CDYL2: variants seen among roughly 807,000 people sequenced by gnomAD.
The protein encoded by CDYL2 is chromodomain Y-like protein 2.
Under a neutral mutation model 49.4 loss-of-function variants are expected in CDYL2, and 23 were observed. The observed-to-expected ratio is 0.47, with a 90% CI of 0.34 to 0.66. The LOEUF is 0.66. Ranked by LOEUF, CDYL2 falls within the 30% of genes least tolerant of loss-of-function variation. The pLI, the probability that CDYL2 is intolerant of heterozygous loss-of-function variation, is 0.01. For missense variants in CDYL2, 678 were observed against 656.4 expected (o/e 1.03, Z -0.36); for synonymous variants, 360 against 268.8 (o/e 1.34, Z -3.32).
At chr16:80,742,503 T>C (rs994582378) in intron 1 of CDYL2, among the ~76,000 whole-genome samples, 9 of 148,808 alleles carry the variant, frequency 6.0e-5, no homozygotes, top group African/African-American at 2.0e-4. Context: ...GATGAATAGA[T>C]GGATACACTA....
intron 1 of CDYL2, among the ~76,000 whole-genome samples, chr16:80,781,201 G>T (rs1351789813): frequency 1.3e-5 from 2 of 152,158 alleles, no homozygotes; most frequent in African/African-American, 4.8e-5. Flanking sequence ...GCTAGAAAAG[G>T]CCCTACATCC....
chr16:80,762,663 T>G (rs1316468734), intron 1 of CDYL2, among the ~76,000 whole-genome samples: 1 of 152,202 alleles, frequency 6.6e-6, no homozygotes. Context: ...AACCCCAAAA[T>G]TATCCTTTTG....
chr16:80,763,268 G>GTCTACTCAACA (rs1906594457), intron 1 of CDYL2, among the ~76,000 whole-genome samples: 4 of 1,004 alleles, frequency 4.0e-3, no homozygotes, highest in African/African-American at 0.014. Context: ...AATCAACTGT[G>GTCTACTCAACA]GCTACTCAAC....
At chr16:80,770,192 G>A (rs140651229) in intron 1 of CDYL2, among the ~76,000 whole-genome samples, 4 of 152,252 alleles carry the variant, frequency 2.6e-5, no homozygotes, top group African/African-American at 9.6e-5. Context: ...CATGCAACAT[G>A]AGTTAATAAA....
At chr16:80,781,869 A>C (rs1338588620) in intron 1 of CDYL2, among the ~76,000 whole-genome samples, 1 of 152,098 alleles carries the variant, frequency 6.6e-6, no homozygotes, top group African/African-American at 2.4e-5. Flanking sequence ...AAAACATACT[A>C]ATACTGCAAT....
chr16:80,655,402 G>C (rs748968853), intron 2 of CDYL2, among the ~76,000 whole-genome samples: 1 of 152,176 alleles, frequency 6.6e-6, no homozygotes. Flanking sequence ...TGCCCTCATG[G>C]AGCTTGCTTT....
rs1439726285 is a variant in CDYL2, at chr16:80,804,303, G to C, written c.-130C>G. On this transcript the variant is annotated 5_prime_UTR_variant, in exon 1 of 7. Coordinates refer to ENST00000570137, the MANE Select transcript of CDYL2 (RefSeq NM_152342.4). ...TGTGCGAGTGTGTGTGGTGTGTTGA[G>C]TAAACTGTGTTTTTGCAGAATGACA... is the stretch of plus-strand genomic sequence containing the variant. 1 of 744,774 alleles carries C rather than the reference G, an allele frequency of 1.3e-6. No individual in the cohort carries two copies. Among genetic ancestry groups the C allele is most frequent in the Admixed American group, 4.0e-5 (1 of 25,106 alleles). The allele number at this position is 744,774 out of a possible 1,614,324, so 46.1% of individuals were successfully genotyped here. A position where few individuals can be genotyped will look rare whatever the true frequency, so the allele number is the denominator to read the frequency against.
chr16:80,800,372 T>G (rs1442840985), intron 1 of CDYL2, among the ~76,000 whole-genome samples: 3 of 152,228 alleles, frequency 2.0e-5, no homozygotes, highest in Admixed American at 6.5e-5. Flanking sequence ...CAAAGCTCAA[T>G]GTGGACACGG....
Position 80,804,197 on chromosome 16 carries a change from C to T in CDYL2, c.-24G>A. On this transcript the variant is annotated 5_prime_UTR_variant, in exon 1 of 7. Transcript: ENST00000570137. ...ATGCCAGGCTGCGGAACTTGGCTCG[C>T]CGGTGTGCGCGTCTGCTCGCTCGCG... The T allele has an allele frequency of 3.7e-6, 5 of 1,336,962 alleles. No homozygotes were observed. The highest frequency in any genetic ancestry group is 4.9e-6 in the Non-Finnish European group (5 of 1,016,226). The allele number at this position is 1,336,962 out of a possible 1,614,324, so 82.8% of individuals were successfully genotyped here.
intron 4 of CDYL2, among the ~76,000 whole-genome samples, chr16:80,619,609 G>C (rs1906985403): frequency 6.6e-6 from 1 of 152,236 alleles, no homozygotes; most frequent in South Asian, 2.1e-4. Flanking sequence ...AAAGGCAGTA[G>C]TGAGAGGGCA....
At chr16:80,715,604 C>T (rs1904771573) in intron 1 of CDYL2, among the ~76,000 whole-genome samples, 1 of 152,206 alleles carries the variant, frequency 6.6e-6, no homozygotes, top group Non-Finnish European at 1.5e-5. Flanking sequence ...TCTCACATTG[C>T]CTCCAGAGGA....
chr16:80,804,405 G>GGCGGCGGCGGCACGAGCGCGGGCA lies in CDYL2; in HGVS notation c.-256_-233dup, dbSNP rs1029103553. The GGCGGCGGCGGCACGAGCGCGGGCA allele has an allele frequency of 6.1e-6, 1 of 164,276 alleles. No individual in the cohort carries two copies. The highest frequency in any genetic ancestry group is 1.2e-5 in the Non-Finnish European group (1 of 80,510). The allele number at this position is 164,276 out of a possible 1,614,324, so 10.2% of individuals were successfully genotyped here. A position where few individuals can be genotyped will look rare whatever the true frequency, so the allele number is the denominator to read the frequency against. On this transcript the variant is annotated 5_prime_UTR_variant, in exon 1 of 7. Coordinates refer to ENST00000570137, the MANE Select transcript of CDYL2 (RefSeq NM_152342.4). ...CGTAACCGGCAGCAGCGGCGGCGGC[G>GGCGGCGGCGGCACGAGCGCGGGCA]GCGGCGGCGGCACGAGCGCGGGCAG...
chr16:80,631,279 A>G (rs1289361070), intron 3 of CDYL2, among the ~76,000 whole-genome samples: 1 of 152,200 alleles, frequency 6.6e-6, no homozygotes, highest in Admixed American at 6.5e-5. Context: ...ACAAGGAACA[A>G]AGAGCCCCTG....
At chr16:80,792,781 C>T (rs1348548181) in intron 1 of CDYL2, among the ~76,000 whole-genome samples, 1 of 152,168 alleles carries the variant, frequency 6.6e-6, no homozygotes, top group African/African-American at 2.4e-5. Flanking sequence ...CGCTGCTGTG[C>T]TGCCAAAAGC....
intron 1 of CDYL2, among the ~76,000 whole-genome samples, chr16:80,779,293 G>C (rs771694519): frequency 6.6e-6 from 1 of 151,932 alleles, no homozygotes; most frequent in Non-Finnish European, 1.5e-5. Flanking sequence ...ACCCATTAAT[G>C]GTTTTAAAAA....
intron 1 of CDYL2, among the ~76,000 whole-genome samples, chr16:80,765,828 C>T (rs1326809318): frequency 2.1e-5 from 3 of 139,618 alleles, no homozygotes; most frequent in South Asian, 4.7e-4. Context: ...ATCTCTTGAG[C>T]CCAGGAGTTT....
intron 3 of CDYL2, 41 bp from the exon 4 acceptor site, chr16:80,620,976 T>C (rs766179314): frequency 1.4e-5 from 21 of 1,524,954 alleles, no homozygotes; most frequent in African/African-American, 2.8e-5. Flanking sequence ...TAAGTGTCTA[T>C]CCTGTAAGCC....
chr16:80,699,592 G>T (rs1394749118), intron 1 of CDYL2, among the ~76,000 whole-genome samples: 1 of 152,164 alleles, frequency 6.6e-6, no homozygotes, highest in Non-Finnish European at 1.5e-5. Context: ...AAGTTTTAAT[G>T]TTCTACAGCA....
At chr16:80,666,451 C>A (rs1207872894) in intron 2 of CDYL2, among the ~76,000 whole-genome samples, 1 of 152,162 alleles carries the variant, frequency 6.6e-6, no homozygotes, top group African/African-American at 2.4e-5. Context: ...ATGAGATGCA[C>A]CCTGCTGAAA....
Sources: gnomAD v4.1 joint callset for allele counts (sites outside exome capture counted in the v4.1 genomes callset) on GRCh38, gnomAD v4.1.1 for gene constraint, MANE v1.5 for transcripts, NCBI Gene and HGNC (gene_info 2026-07-23, HGNC 2026-07-21) for gene names.